KANSL1L: variants seen among roughly 807,000 people sequenced by gnomAD.
KANSL1L encodes KAT8 regulatory NSL complex subunit 1 like.
A neutral mutation model predicts 108.6 loss-of-function variants in KANSL1L; 25 were observed. The observed-to-expected ratio is 0.23, with a 90% CI of 0.17 to 0.32. The LOEUF (loss-of-function observed/expected upper bound fraction) is 0.32. KANSL1L is among the 10% of genes least tolerant of loss of function. The pLI is 1.00. For synonymous variants in KANSL1L, 405 were observed against 395.1 expected (o/e 1.03, Z -0.30); for missense variants, 1,137 against 1,125.7 (o/e 1.01, Z -0.14).
intron 3 of KANSL1L, among the ~76,000 whole-genome samples, chr2:210,105,185 A>G (rs1410598949): frequency 6.6e-6 from 1 of 151,674 alleles, no homozygotes; most frequent in African/African-American, 2.4e-5. Flanking sequence ...ATCAGTTCCC[A>G]CTGTAAAATT....
At chr2:210,102,309 A>G (rs2094801546) in intron 4 of KANSL1L, among the ~76,000 whole-genome samples, 1 of 152,210 alleles carries the variant, frequency 6.6e-6, no homozygotes, top group African/African-American at 2.4e-5. Flanking sequence ...TTATACAAAA[A>G]TTAATTCAAG....
chr2:210,167,488 T>C (rs1045623512), intron 1 of KANSL1L, among the ~76,000 whole-genome samples: 1 of 152,060 alleles, frequency 6.6e-6, no homozygotes, highest in Non-Finnish European at 1.5e-5. Context: ...AGTCATTTTT[T>C]TCTGTGTATA....
intron 5 of KANSL1L, among the ~76,000 whole-genome samples, chr2:210,091,930 T>G (rs561343126): frequency 6.6e-6 from 1 of 152,304 alleles, no homozygotes; most frequent in East Asian, 1.9e-4. Context: ...ATGATTTCTC[T>G]GTGTATAGAG....
chr2:210,133,791 ACTT>A (rs1460485047), intron 2 of KANSL1L, among the ~76,000 whole-genome samples: 1 of 152,044 alleles, frequency 6.6e-6, no homozygotes, highest in East Asian at 1.9e-4. Flanking sequence ...TTCTCTTGTG[ACTT>A]CTTCATCCAC....
At chr2:210,042,426 T>G (rs2094175422) in intron 7 of KANSL1L, among the ~76,000 whole-genome samples, 1 of 152,186 alleles carries the variant, frequency 6.6e-6, no homozygotes, top group African/African-American at 2.4e-5. Flanking sequence ...AAAGAGTATT[T>G]ATACCAGCTC....
intron 9 of KANSL1L, 167 bp downstream of exon 9, chr2:210,031,254 A>G: frequency 1.9e-6 from 1 of 539,546 alleles, no homozygotes; most frequent in Non-Finnish European, 3.2e-6. Flanking sequence ...TCCACAAATA[A>G]TTCTAAATTA....
intron 6 of KANSL1L, among the ~76,000 whole-genome samples, chr2:210,069,397 CT>C (rs903485078): frequency 3.3e-5 from 5 of 152,202 alleles, no homozygotes; most frequent in Non-Finnish European, 5.9e-5. Flanking sequence ...AAAACCTAGG[CT>C]TTTCCCTATC....
At chr2:210,079,676 A>ATGTG (rs2094573188) in intron 5 of KANSL1L, 2 of 20,682 alleles carry the variant, frequency 9.7e-5, no homozygotes, top group Non-Finnish European at 1.5e-4. Context: ...GTATGTGTGT[A>ATGTG]TATATATATA....
chr2:210,153,800 C>T lies in KANSL1L; in HGVS notation c.783G>A (p.Met261Ile), dbSNP rs765939208. The change falls in exon 2 of 15, where the codon ATG (methionine) becomes ATA (isoleucine). Residue 261 changes from methionine (M) to isoleucine (I), a missense_variant. By Grantham distance (10) the Met-to-Ile change is conservative. Transcript: ENST00000281772. ...GGAGTTGATGTTTCATAGACAATTT[C>T]ATCTGCTGACCATAGTGCTTAACAA... The part of the protein sequence containing the change: ...KHVVKHYGQQ[M>I]KLSMKHQLPK... The T allele has an allele frequency of 6.2e-6, 10 of 1,613,086 alleles. No homozygotes were observed. In the East Asian group the frequency reaches 2.0e-4, roughly 32 times the overall value.
intron 2 of KANSL1L, among the ~76,000 whole-genome samples, chr2:210,144,603 C>T (rs1575610679): frequency 6.6e-6 from 1 of 152,122 alleles, no homozygotes; most frequent in East Asian, 1.9e-4. Context: ...CTCTCTATTG[C>T]CATTTTTCAC....
chr2:210,047,916 C>G (rs1276359183), intron 6 of KANSL1L, among the ~76,000 whole-genome samples: 3 of 152,180 alleles, frequency 2.0e-5, no homozygotes, highest in Non-Finnish European at 4.4e-5. Flanking sequence ...TGGGTTGCAG[C>G]CCTAGTATGA....
intron 3 of KANSL1L, among the ~76,000 whole-genome samples, chr2:210,121,111 GA>G (rs2095015091): frequency 6.6e-6 from 1 of 152,128 alleles, no homozygotes; most frequent in South Asian, 2.1e-4. Flanking sequence ...CCTAAAGACA[GA>G]TATACCATTT....
chr2:210,125,702 C>T (rs1023740066), intron 3 of KANSL1L, among the ~76,000 whole-genome samples: 1 of 152,044 alleles, frequency 6.6e-6, no homozygotes, highest in Non-Finnish European at 1.5e-5. Flanking sequence ...ATGTAATACA[C>T]AACATTAACA....
In KANSL1L at chr2:210,022,803, ACTTAT is replaced by A; in HGVS notation, c.*141_*145del. The A allele has an allele frequency of 1.6e-6, 1 of 629,226 alleles. No individual in the cohort carries two copies. The highest frequency in any genetic ancestry group is 3.1e-5 in the Admixed American group (1 of 32,186). The allele number at this position is 629,226 out of a possible 1,614,324, so 39.0% of individuals were successfully genotyped here. ...CTTATGGTTCCAGAAGGAAAAACAG[ACTTAT>A]CTTGCCTGTTTCATAAACAGCATAA... On this transcript the variant is annotated 3_prime_UTR_variant, in exon 15 of 15. Coordinates refer to ENST00000281772, the MANE Select transcript of KANSL1L (RefSeq NM_152519.4).
In KANSL1L at chr2:210,162,765, G is replaced by A. The variant is rs534167854; in HGVS notation, c.-29-8154C>T. Among the ~76,000 whole-genome samples, 5 of 152,192 alleles carry A rather than the reference G, an allele frequency of 3.3e-5. No individual in the cohort carries two copies. In the South Asian group the frequency reaches 1.0e-3, roughly 32 times the overall value. On this transcript the variant is annotated intron_variant, in intron 1 of 14. Coordinates refer to ENST00000281772, the MANE Select transcript of KANSL1L (RefSeq NM_152519.4). The stretch of plus-strand genomic sequence containing the variant: ...GAAATCCAGAAGTGTATGAAATCAA[G>A]ATACCAACGTGTTTAGAAGTGTATA...
intron 5 of KANSL1L, among the ~76,000 whole-genome samples, chr2:210,085,234 A>G (rs980259349): frequency 1.3e-5 from 2 of 152,234 alleles, no homozygotes; most frequent in African/African-American, 4.8e-5. Flanking sequence ...CTAGAAAAAG[A>G]AAGTGTGTCA....
rs773723232 is a variant in KANSL1L, at chr2:210,028,967, A to G, written c.2274T>C (p.Asn758=). The change falls in exon 11 of 15, where the codon AAT becomes AAC. Residue 758 remains asparagine, a splice_region_variant and synonymous_variant. Coordinates refer to ENST00000281772, the MANE Select transcript of KANSL1L (RefSeq NM_152519.4). ...VLSRIQNSSR[N]TARRRLRSES... ...CACTTCTCAATCTCCGTCGTGCAGT[A>G]TTCTGCAAAACAGGATTACAGTAGA... is the stretch of plus-strand genomic sequence containing the variant. The G allele has an allele frequency of 6.2e-7, 1 of 1,609,560 alleles. No homozygotes were observed.
intron 2 of KANSL1L, chr2:210,151,536 G>A (rs1039509966): frequency 3.3e-5 from 5 of 152,142 alleles, no homozygotes; most frequent in Non-Finnish European, 7.4e-5. Context: ...GCAATGTTGA[G>A]AAAACAGCAT....
chr2:210,075,442 GT>G (rs2094535582), intron 6 of KANSL1L, 109 bp downstream of exon 6: 2 of 690,448 alleles, frequency 2.9e-6, no homozygotes, highest in Non-Finnish European at 4.9e-6. Flanking sequence ...TTTTCTACAT[GT>G]AATTATTCAA....
Sources: gnomAD v4.1 joint callset for allele counts (sites outside exome capture counted in the v4.1 genomes callset) on GRCh38, gnomAD v4.1.1 for gene constraint, MANE v1.5 for transcripts, NCBI Gene and HGNC (gene_info 2026-07-23, HGNC 2026-07-21) for gene names.